Variants in RTP2 observed in about 807,000 individuals in gnomAD.
RTP2 encodes the protein receptor-transporting protein 2.
RTP2 carries 12 observed loss-of-function variants against 17.9 expected under a neutral mutation model. That is an observed-to-expected ratio of 0.67 (90% CI 0.43 to 1.09). RTP2 has a LOEUF of 1.09. Among genes scored for constraint, RTP2 ranks in the 50% least tolerant of loss-of-function variants. The pLI, the probability that RTP2 is intolerant of heterozygous loss-of-function variation, is 0.00. For missense variants in RTP2, 327 were observed against 295.7 expected (o/e 1.11, Z -0.78); for synonymous variants, 126 against 117.7 (o/e 1.07, Z -0.46).
chr3:187,706,263 T>C (rs112081705), upstream of RTP2, among the ~76,000 whole-genome samples: 3,501 of 152,316 alleles, frequency 0.023, 37 homozygotes, highest in Non-Finnish European at 0.033. Context: ...ACGAAGATGT[T>C]TTACATGAGA....
chr3:187,715,032 T>C, the RTP2 span, among the ~76,000 whole-genome samples: 6 of 151,652 alleles, frequency 4.0e-5, no homozygotes, highest in African/African-American at 7.3e-5. Flanking sequence ...TGCAGGGCAA[T>C]TCAGGTTACA....
exon 1 of RTP2, chr3:187,702,112 G>T: frequency 6.2e-7 from 1 of 1,610,576 alleles, no homozygotes; most frequent in South Asian, 1.1e-5. Flanking sequence ...CTCACAAGTG[G>T]TCAAGCTGGT....
upstream of RTP2, among the ~76,000 whole-genome samples, chr3:187,706,671 C>T (rs1057071242): frequency 4.6e-5 from 7 of 152,100 alleles, no homozygotes; most frequent in South Asian, 2.1e-4. Flanking sequence ...GGCGTGATCT[C>T]GGCTCACTGC....
In RTP2 at chr3:187,700,191, A is replaced by G. The variant is rs573701726; in HGVS notation, c.165-1180T>C. Among the ~76,000 whole-genome samples, 347 of 152,338 alleles carry G rather than the reference A, an allele frequency of 2.3e-3. 1 individual carries two copies. Among genetic ancestry groups the G allele is most frequent in the Non-Finnish European group, 3.9e-3 (266 of 68,032 alleles). ...CCACTCAACCCAGGCTATGGGATAGAGGTGAGGCCAAGCCTGGCTCTGACC... is the reference window on the plus strand; with the variant it reads ...CCACTCAACCCAGGCTATGGGATAGGGGTGAGGCCAAGCCTGGCTCTGACC... On this transcript the variant is annotated intron_variant, in intron 1 of 1. Coordinates refer to ENST00000358241, the Ensembl canonical transcript of RTP2.
At chr3:187,706,671 C>G (rs1057071242), upstream of RTP2, among the ~76,000 whole-genome samples, 1 of 152,100 alleles carries the variant, frequency 6.6e-6, no homozygotes, top group Admixed American at 6.5e-5. Flanking sequence ...GGCGTGATCT[C>G]GGCTCACTGC....
chr3:187,699,095 C>T, intron 1 of RTP2, 84 bp from the exon 2 acceptor site: 1 of 1,444,408 alleles, frequency 6.9e-7, no homozygotes, highest in Non-Finnish European at 9.2e-7. Flanking sequence ...AAAAAAAAGC[C>T]TGTGTGCCCG....
chr3:187,704,910 C>A (rs1011194871), upstream of RTP2, among the ~76,000 whole-genome samples: 1 of 152,142 alleles, frequency 6.6e-6, no homozygotes, highest in African/African-American at 2.4e-5. Flanking sequence ...AGATTTTACG[C>A]TGCCCTTTTA....
chr3:187,700,124 C>T (rs532743069), intron 1 of RTP2, among the ~76,000 whole-genome samples: 1 of 152,306 alleles, frequency 6.6e-6, no homozygotes, highest in African/African-American at 2.4e-5. Context: ...GAACTCAATT[C>T]AATCCAACAG....
At chr3:187,704,235 C>G (rs1717933626), upstream of RTP2, among the ~76,000 whole-genome samples, 1 of 152,190 alleles carries the variant, frequency 6.6e-6, no homozygotes, top group East Asian at 1.9e-4. Flanking sequence ...AAAAGAATCA[C>G]TTTTCCCCTT....
the RTP2 span, among the ~76,000 whole-genome samples, chr3:187,711,205 T>C: frequency 6.6e-6 from 1 of 152,220 alleles, no homozygotes; most frequent in African/African-American, 2.4e-5. Flanking sequence ...TATTTTTAAA[T>C]GCATTCAGTA....
upstream of RTP2, among the ~76,000 whole-genome samples, chr3:187,705,370 G>A (rs1328820475): frequency 6.6e-6 from 1 of 152,148 alleles, no homozygotes; most frequent in East Asian, 1.9e-4. Flanking sequence ...CTCATCTCTG[G>A]GACACTCCTA....
At chr3:187,708,738 C>CT in the RTP2 span, among the ~76,000 whole-genome samples, 1 of 152,130 alleles carries the variant, frequency 6.6e-6, no homozygotes, top group African/African-American at 2.4e-5. Flanking sequence ...TTTCTAAGTA[C>CT]TTTACATATA....
upstream of RTP2, among the ~76,000 whole-genome samples, chr3:187,704,504 C>T (rs779331131): frequency 3.3e-5 from 5 of 152,132 alleles, no homozygotes; most frequent in Admixed American, 2.6e-4. Flanking sequence ...CTTCTATTGC[C>T]AGCCATTGTT....
At chr3:187,702,580 C>T, upstream of RTP2, 1 of 456,992 alleles carries the variant, frequency 2.2e-6, no homozygotes, top group Non-Finnish European at 4.4e-6. Flanking sequence ...AAATGAGGGA[C>T]AGGGAAAGGC....
chr3:187,698,691 A>C (rs1216369699), exon 2 of RTP2: 1 of 1,614,070 alleles, frequency 6.2e-7, no homozygotes, highest in Admixed American at 1.7e-5. Context: ...CCAGTGAACG[A>C]TGCCCTCCTG....
the RTP2 span, among the ~76,000 whole-genome samples, chr3:187,713,192 C>A: frequency 6.6e-6 from 1 of 152,234 alleles, no homozygotes; most frequent in South Asian, 2.1e-4. Flanking sequence ...CACGGGCCTA[C>A]ACTGTGATGC....
chr3:187,704,013 C>T (rs763855785), upstream of RTP2, among the ~76,000 whole-genome samples: 5 of 152,076 alleles, frequency 3.3e-5, no homozygotes, highest in South Asian at 2.1e-4. Context: ...CAATTTTCCG[C>T]GAATGACACT....
chr3:187,698,260 C>G (rs1717736189), exon 2 of RTP2: 1 of 495,302 alleles, frequency 2.0e-6, no homozygotes, highest in African/African-American at 1.9e-5. Flanking sequence ...CCAATCCTGG[C>G]AAGCTCTAAA....
chr3:187,704,060 A>G (rs1717928870), upstream of RTP2, among the ~76,000 whole-genome samples: 1 of 152,188 alleles, frequency 6.6e-6, no homozygotes, highest in Non-Finnish European at 1.5e-5. Flanking sequence ...GAGCTCACAA[A>G]TGTATATTGT....
Sources: allele counts gnomAD v4.1 joint callset (sites outside exome capture counted in the v4.1 genomes callset), GRCh38; gene constraint gnomAD v4.1.1; transcripts MANE v1.5; gene names NCBI Gene and HGNC (gene_info 2026-07-23, HGNC 2026-07-21).